GEN1: variants seen among roughly 807,000 people sequenced by gnomAD.
GEN1 encodes the protein flap endonuclease GEN homolog 1.
GEN1 carries 64 observed loss-of-function variants against 67.6 expected under a neutral mutation model. The observed-to-expected ratio is 0.95, with a 90% confidence interval of 0.77 to 1.17. The LOEUF (loss-of-function observed/expected upper bound fraction) is 1.17, where lower values mean the gene tolerates loss of function less well. Among genes scored for constraint, GEN1 ranks in the 50% most tolerant of loss-of-function variants. GEN1 has a pLI of 0.00. For synonymous variants in GEN1, 371 were observed against 359.4 expected, an observed-to-expected ratio of 1.03 and a Z score of -0.37; for missense variants, 1,058 against 1,048.3, an observed-to-expected ratio of 1.01 and a Z score of -0.13.
In GEN1 at chr2:17,780,198, T is replaced by A; in HGVS notation, c.1408+77T>A. On this transcript the variant is annotated intron_variant, in intron 13 of 13. Coordinates refer to ENST00000381254, the MANE Select transcript of GEN1 (RefSeq NM_001130009.3). ...AGCCACCTCTTCTGTTTGAATCTGCTGTGTCTAAATTTTACTGAAAAATCT... is the reference window on the plus strand; with the variant it reads ...AGCCACCTCTTCTGTTTGAATCTGCAGTGTCTAAATTTTACTGAAAAATCT... The A allele has an allele frequency of 2.6e-6, 3 of 1,146,190 alleles. No homozygotes were observed. In the African/African-American group the frequency reaches 4.7e-5, roughly 18 times the overall value. The allele number at this position is 1,146,190 out of a possible 1,614,324, so 71.0% of individuals were successfully genotyped here. A position where few individuals can be genotyped will look rare whatever the true frequency, so the allele number is the denominator to read the frequency against.
intron 12 of GEN1, among the ~76,000 whole-genome samples, chr2:17,778,323 C>CATATATGTATATACACACACGT (rs1553331284): frequency 0.013 from 387 of 30,876 alleles, 127 homozygotes; most frequent in African/African-American, 0.038. Context: ...TACACACACA[C>CATATATGTATATACACACACGT]GTGTACATAT....
In GEN1 at chr2:17,760,033, T is replaced by G. The variant is rs1286868226; in HGVS notation, c.90T>G (p.Asp30Glu). The G allele has an allele frequency of 6.2e-7, 1 of 1,613,976 alleles. No individual in the cohort carries two copies. Among genetic ancestry groups the G allele is most frequent in the Non-Finnish European group, 8.5e-7 (1 of 1,180,010 alleles). ...RNLGGKTIAV[D>E]LSLWVCEAQT... ...TTGGTGGGAAAACCATTGCAGTTGA[T>G]CTGAGTCTCTGGGTGTGTGAGGCAC... is the stretch of plus-strand genomic sequence containing the variant. Residue 30 changes from aspartate (D) to glutamate (E), a missense_variant, in exon 2 of 14, where the codon GAT (aspartate) becomes GAG (glutamate). Transcript: ENST00000381254.
chr2:17,779,149 CT>C (rs746336572), intron 12 of GEN1, among the ~76,000 whole-genome samples: 3 of 152,192 alleles, frequency 2.0e-5, no homozygotes, highest in African/African-American at 4.8e-5. Context: ...TCTCGAACCC[CT>C]GACCTCAGGT....
In GEN1 at chr2:17,788,465, G is replaced by T. The variant is rs1673124791; in HGVS notation, c.*6526G>T. On this transcript the variant is annotated 3_prime_UTR_variant, in exon 14 of 14. Transcript: ENST00000381254. ...GAGGGCAGAGTTATCAGCAAAGTAG[G>T]CTGACCCTTCTGTGGGCAGAATGAA... The T allele has an allele frequency of 6.6e-6, 1 of 152,226 alleles. No homozygotes were observed. The highest frequency in any genetic ancestry group is 2.1e-4 in the South Asian group (1 of 4,832). The allele number at this position is 152,226 out of a possible 1,614,324, so 9.4% of individuals were successfully genotyped here.
intron 6 of GEN1, 137 bp from the exon 7 acceptor site, chr2:17,771,059 G>C (rs763576429): frequency 1.4e-6 from 1 of 693,624 alleles, no homozygotes; most frequent in Non-Finnish European, 2.6e-6. Context: ...TCCCACACTA[G>C]GCCAGCAACT....
intron 11 of GEN1, among the ~76,000 whole-genome samples, chr2:17,777,398 ATC>A (rs1222087572): frequency 3.9e-5 from 6 of 152,192 alleles, no homozygotes; most frequent in Non-Finnish European, 4.4e-5. Context: ...TAGAAATATA[ATC>A]TCTGTCTTCC....
At chr2:17,763,831 C>A (rs1671796081) in intron 3 of GEN1, among the ~76,000 whole-genome samples, 1 of 152,200 alleles carries the variant, frequency 6.6e-6, no homozygotes, top group Non-Finnish European at 1.5e-5. Flanking sequence ...CAACATAGTA[C>A]TTTGACTTTT....
At chr2:17,777,460 A>G (rs921818675) in intron 11 of GEN1, among the ~76,000 whole-genome samples, 1 of 152,184 alleles carries the variant, frequency 6.6e-6, no homozygotes, top group Non-Finnish European at 1.5e-5. Flanking sequence ...CCAAAATAAT[A>G]CAGGCAGAAG....
At chr2:17,771,151 G>A in intron 6 of GEN1, 45 bp from the exon 7 acceptor site, 1 of 1,103,862 alleles carries the variant, frequency 9.1e-7, no homozygotes, top group South Asian at 1.2e-5. Flanking sequence ...CCGTTTTTGT[G>A]ACCTCATTTT....
chr2:17,781,679 A>T lies in GEN1; in HGVS notation c.2467A>T (p.Ser823Cys). 1 of 1,614,026 alleles carries T rather than the reference A, an allele frequency of 6.2e-7. No individual in the cohort carries two copies. The highest frequency in any genetic ancestry group is 8.5e-7 in the Non-Finnish European group (1 of 1,179,922). The change falls in exon 14 of 14, where the codon AGT becomes TGT. Residue 823 changes from serine (S) to cysteine (C), a missense_variant. By Grantham distance (112) the Ser-to-Cys change is moderately radical. Transcript: ENST00000381254. ...AKYTTQRMKHSSQKHNSSHFK... is the reference protein window; with the variant it reads ...AKYTTQRMKHCSQKHNSSHFK... The stretch of plus-strand genomic sequence containing the variant: ...GTACACAACTCAAAGAATGAAGCAC[A>T]GTTCTCAAAAGCATAATTCATCCCA...
At chr2:17,758,501 A>C (rs958745326) in intron 1 of GEN1, among the ~76,000 whole-genome samples, 1 of 152,232 alleles carries the variant, frequency 6.6e-6, no homozygotes, top group Non-Finnish European at 1.5e-5. Context: ...ATTAACCACA[A>C]CTTTTCACAG....
At position 17,782,489 on chromosome 2, in the gene GEN1, T is replaced by TA. The variant is rs1283590710; in HGVS notation, c.*551dup. On this transcript the variant is annotated 3_prime_UTR_variant, in exon 14 of 14. Coordinates refer to ENST00000381254, the MANE Select transcript of GEN1 (RefSeq NM_001130009.3). ...GTTATATTCTCCCTCAGTTTGAAGA[T>TA]ACCTTTAGTGTGCTCTTCCACTTTT... 6.6e-6 allele frequency: 1 copy of TA among 152,226 alleles called. No homozygotes were observed. Among genetic ancestry groups the TA allele is most frequent in the Non-Finnish European group, 1.5e-5 (1 of 68,052 alleles). The allele number at this position is 152,226 out of a possible 1,614,324, so 9.4% of individuals were successfully genotyped here.
chr2:17,759,574 A>G (rs1572389233), intron 1 of GEN1, among the ~76,000 whole-genome samples: 1 of 150,022 alleles, frequency 6.7e-6, no homozygotes, highest in Non-Finnish European at 1.5e-5. Flanking sequence ...GTTTGTTTGC[A>G]TGCTTCCTTG....
chr2:17,777,908 G>A, intron 11 of GEN1, 94 bp from the exon 12 acceptor site: 1 of 674,536 alleles, frequency 1.5e-6, no homozygotes, highest in Non-Finnish European at 2.6e-6. Context: ...TTTTACCTGG[G>A]AAAAAAAAAT....
chr2:17,762,062 C>T (rs1028026797), intron 3 of GEN1, among the ~76,000 whole-genome samples: 21 of 151,504 alleles, frequency 1.4e-4, no homozygotes, highest in Admixed American at 1.2e-3. Context: ...TAAAAACTGT[C>T]GTTACATTAT....
At chr2:17,772,317 C>A (rs1237410237) in intron 7 of GEN1, among the ~76,000 whole-genome samples, 1 of 151,918 alleles carries the variant, frequency 6.6e-6, no homozygotes, top group Non-Finnish European at 1.5e-5. Context: ...ATGTAGCTTC[C>A]ACCTAAACCA....
At chr2:17,761,104 C>T (rs1671657157) in intron 2 of GEN1, among the ~76,000 whole-genome samples, 1 of 151,870 alleles carries the variant, frequency 6.6e-6, no homozygotes. Flanking sequence ...TGGTGGCACA[C>T]ACCTGTAGTC....
chr2:17,764,751 A>G (rs889271704), intron 3 of GEN1, 146 bp from the exon 4 acceptor site: 16 of 694,850 alleles, frequency 2.3e-5, no homozygotes, highest in East Asian at 5.9e-5. Flanking sequence ...TCATTGTTCA[A>G]ATTTCCAAGT....
At chr2:17,780,572 T>TA (rs1267200560) in intron 13 of GEN1, 49 bp from the exon 14 acceptor site, 2 of 1,252,022 alleles carry the variant, frequency 1.6e-6, no homozygotes, top group Non-Finnish European at 2.2e-6. Flanking sequence ...TTACCCAAGT[T>TA]AAAGCAAAGA....
Sources: gnomAD v4.1 joint callset for allele counts (sites outside exome capture counted in the v4.1 genomes callset) on GRCh38, gnomAD v4.1.1 for gene constraint, MANE v1.5 for transcripts, NCBI Gene and HGNC (gene_info 2026-07-23, HGNC 2026-07-21) for gene names.